TPP2: variants seen among roughly 807,000 people sequenced by gnomAD.
The protein encoded by TPP2 is tripeptidyl peptidase 2.
A neutral mutation model predicts 155.9 loss-of-function variants in TPP2; 34 were observed. The observed-to-expected ratio is 0.22, with a 90% CI of 0.17 to 0.29. The LOEUF is 0.29. Among genes scored for constraint, TPP2 ranks in the 10% least tolerant of loss-of-function variants. The pLI, the probability that TPP2 is intolerant of heterozygous loss-of-function variation, is 1.00. For synonymous variants in TPP2, 510 were observed against 529.4 expected (o/e 0.96, Z 0.50); for missense variants, 1,028 against 1,522.3 (o/e 0.68, Z 5.40).
intron 25 of TPP2, among the ~76,000 whole-genome samples, chr13:102,661,250 CTTTT>C (rs35157211): frequency 2.4e-5 from 3 of 124,124 alleles, no homozygotes; most frequent in African/African-American, 3.1e-5. Context: ...GAACGCTAAC[CTTTT>C]TTTTTTTTTT....
intron 3 of TPP2, 132 bp from the exon 4 acceptor site, chr13:102,616,264 A>T: frequency 1.5e-6 from 1 of 681,998 alleles, no homozygotes; most frequent in Non-Finnish European, 2.3e-6. Flanking sequence ...GCCAAAAATG[A>T]TTTTTTAAAA....
intron 17 of TPP2, among the ~76,000 whole-genome samples, chr13:102,643,707 CACTTA>C (rs777217415): frequency 6.6e-6 from 1 of 152,156 alleles, no homozygotes; most frequent in Non-Finnish European, 1.5e-5. Flanking sequence ...GTTTGCTTGT[CACTTA>C]ACTTATTTTA....
At chr13:102,648,162 A>G (rs1050048114) in intron 21 of TPP2, among the ~76,000 whole-genome samples, 4 of 152,128 alleles carry the variant, frequency 2.6e-5, no homozygotes, top group African/African-American at 9.7e-5. Context: ...GTATCCCTTG[A>G]TCTCTATTGG....
intron 16 of TPP2, 81 bp downstream of exon 16, chr13:102,640,457 G>A: frequency 8.8e-7 from 1 of 1,130,608 alleles, no homozygotes; most frequent in Non-Finnish European, 1.3e-6. Context: ...TCGTTTATCT[G>A]TAGCATGTAT....
chr13:102,670,491 G>A (rs1213079721), intron 27 of TPP2, among the ~76,000 whole-genome samples: 1 of 152,194 alleles, frequency 6.6e-6, no homozygotes, highest in East Asian at 1.9e-4. Flanking sequence ...AGGAAGCATA[G>A]CCCTGGGGAC....
At chr13:102,643,478 A>T in intron 17 of TPP2, 102 bp downstream of exon 17, 2 of 1,156,802 alleles carry the variant, frequency 1.7e-6, no homozygotes, top group Non-Finnish European at 2.2e-6. Context: ...TGTATTTAGC[A>T]TGTTGGGATT....
chr13:102,638,852 T>G (rs180954697), intron 15 of TPP2, among the ~76,000 whole-genome samples: 2 of 152,294 alleles, frequency 1.3e-5, no homozygotes, highest in African/African-American at 4.8e-5. Context: ...CCTCCAAAGG[T>G]CAAGTTCAAG....
At chr13:102,628,479 T>C (rs1221442079) in intron 8 of TPP2, among the ~76,000 whole-genome samples, 2 of 152,216 alleles carry the variant, frequency 1.3e-5, no homozygotes, top group Non-Finnish European at 2.9e-5. Context: ...TGGTTGCGTA[T>C]GTTCACTAAC....
intron 27 of TPP2, chr13:102,667,945 T>TC (rs1884716222): frequency 5.4e-6 from 2 of 371,194 alleles, no homozygotes; most frequent in Non-Finnish European, 7.4e-6. Context: ...GAGTTAGCAG[T>TC]CCCCCTGAGC....
chr13:102,600,110 C>G (rs1040572276), intron 1 of TPP2, among the ~76,000 whole-genome samples: 1 of 151,942 alleles, frequency 6.6e-6, no homozygotes. Flanking sequence ...ATTTGCCATC[C>G]AACTCTGGCC....
chr13:102,670,363 A>C (rs985468706), intron 27 of TPP2, among the ~76,000 whole-genome samples: 2 of 152,220 alleles, frequency 1.3e-5, no homozygotes, highest in Non-Finnish European at 2.9e-5. Flanking sequence ...CGATGACATC[A>C]CGGTCATAAC....
intron 21 of TPP2, among the ~76,000 whole-genome samples, chr13:102,648,255 C>A (rs2139543701): frequency 6.6e-6 from 1 of 152,254 alleles, no homozygotes; most frequent in South Asian, 2.1e-4. Flanking sequence ...TGGCACATGC[C>A]TGTGATCCCG....
At chr13:102,672,432 T>TCTCAGGCTC (rs1312310753) in intron 27 of TPP2, among the ~76,000 whole-genome samples, 1 of 152,188 alleles carries the variant, frequency 6.6e-6, no homozygotes, top group Non-Finnish European at 1.5e-5. Flanking sequence ...TGCCGTTTGC[T>TCTCAGGCTC]CTCAGGCTCC....
chr13:102,670,148 A>G (rs1375077149), intron 27 of TPP2, among the ~76,000 whole-genome samples: 2 of 134,778 alleles, frequency 1.5e-5, no homozygotes, highest in Admixed American at 1.5e-4. Flanking sequence ...AATAAAAAGC[A>G]TTAAAGAATT....
chr13:102,610,268 G>A (rs898438610), intron 2 of TPP2, among the ~76,000 whole-genome samples: 8 of 151,452 alleles, frequency 5.3e-5, no homozygotes, highest in East Asian at 1.9e-4. Flanking sequence ...TTGCTCTGTC[G>A]TCCAGGCTGG....
Position 102,627,849 on chromosome 13 carries a change from T to C in TPP2, c.941T>C (p.Met314Thr), listed in dbSNP as rs140850782. The change falls in exon 8 of 30, where the codon ATG (methionine) becomes ACG (threonine). Residue 314 changes from methionine to threonine, a missense_variant and splice_region_variant. Coordinates refer to ENST00000376052, the MANE Select transcript of TPP2 (RefSeq NM_001330588.2). ...CTAGAGTCTTAATCTCTTTAATAGATGATAGAAGTTATAAATCATAAGTGT... is the reference window on the plus strand; with the variant it reads ...CTAGAGTCTTAATCTCTTTAATAGACGATAGAAGTTATAAATCATAAGTGT... ...METGTGLIRA[M>T]IEVINHKCDL... 3 of 1,611,572 alleles carry C rather than the reference T, an allele frequency of 1.9e-6. No individual in the cohort carries two copies. Among genetic ancestry groups the C allele is most frequent in the Non-Finnish European group, 2.5e-6 (3 of 1,178,498 alleles).
At chr13:102,617,388 A>G (rs1477166139) in intron 4 of TPP2, among the ~76,000 whole-genome samples, 1 of 152,154 alleles carries the variant, frequency 6.6e-6, no homozygotes, top group Non-Finnish European at 1.5e-5. Context: ...GATTATCTCT[A>G]AGTCACCTGA....
At position 102,663,673 on chromosome 13, in the gene TPP2, G is replaced by T; in HGVS notation, c.3169G>T (p.Glu1057Ter). 6.2e-7 allele frequency: 1 copy of T among 1,603,770 alleles called. No homozygotes were observed. The highest frequency in any genetic ancestry group is 8.5e-7 in the Non-Finnish European group (1 of 1,176,584). Reference sequence around the variant, plus strand: ...GCTGGATTCTAGTGACATTTATAACGAATTGAAAGAAACATATCCTAATTA... The same window carrying T: ...GCTGGATTCTAGTGACATTTATAACTAATTGAAAGAAACATATCCTAATTA... ...TKLDSSDIYN[E>*]LKETYPNYLP... Residue 1057 changes from glutamate (E) to a stop codon, truncating the protein, a stop_gained, in exon 26 of 30, where the codon GAA becomes TAA. Coordinates refer to ENST00000376052, the MANE Select transcript of TPP2 (RefSeq NM_001330588.2). LOFTEE classifies it high-confidence loss of function.
chr13:102,622,902 G>A lies in TPP2; in HGVS notation c.646G>A (p.Gly216Arg). Residue 216 changes from glycine to arginine, a missense_variant, in exon 6 of 30, where the codon GGG becomes AGG. Physicochemically the swap from Gly to Arg is moderately radical, Grantham distance 125 (BLOSUM62 -2). This residue lies in a region of TPP2 where 300 missense variants were observed against 398.3 expected (regional missense o/e 0.75). Transcript: ENST00000376052. ...AGCCTGCATTGATTCTAATGAAGATGGGGACTTGAGTAAATCTACCGTGTT... is the reference window on the plus strand; with the variant it reads ...AGCCTGCATTGATTCTAATGAAGATAGGGACTTGAGTAAATCTACCGTGTT... ...WRACIDSNED[G>R]DLSKSTVLRN... 1 of 1,612,992 alleles carries A rather than the reference G, an allele frequency of 6.2e-7. No homozygotes were observed. Among genetic ancestry groups the A allele is most frequent in the Non-Finnish European group, 8.5e-7 (1 of 1,179,694 alleles).
Sources: allele counts gnomAD v4.1 joint callset (sites outside exome capture counted in the v4.1 genomes callset), GRCh38; gene constraint gnomAD v4.1.1; regional missense constraint gnomAD v4.1.1; transcripts MANE v1.5; gene names NCBI Gene and HGNC (gene_info 2026-07-23, HGNC 2026-07-21).